The following FBXL17 variants were observed in gnomAD, a reference collection of about 807,000 sequenced individuals.
FBXL17 encodes the protein F-box/LRR-repeat protein 17.
In FBXL17, 22 loss-of-function variants were observed where a neutral mutation model predicts 66.2. That is an observed-to-expected ratio of 0.33 (90% CI 0.24 to 0.47). The LOEUF is 0.47. Among genes scored for constraint, FBXL17 ranks in the 20% least tolerant of loss-of-function variants. The pLI is 1.00. For synonymous variants in FBXL17, 474 were observed against 400.5 expected, an observed-to-expected ratio of 1.18 and a Z score of -2.19; for missense variants, 878 against 948.2, an observed-to-expected ratio of 0.93 and a Z score of 0.97.
chr5:107,983,895 C>T (rs2112677026), intron 7 of FBXL17, among the ~76,000 whole-genome samples: 1 of 152,004 alleles, frequency 6.6e-6, no homozygotes, highest in Admixed American at 6.6e-5. Context: ...ACAGTGAGAA[C>T]AAAGGTGGGG....
chr5:108,243,811 T>C (rs1467747266), intron 4 of FBXL17, among the ~76,000 whole-genome samples: 2 of 152,174 alleles, frequency 1.3e-5, no homozygotes, highest in Non-Finnish European at 2.9e-5. Flanking sequence ...ATGTGTTATA[T>C]ACAAAAATAG....
At chr5:108,184,998 C>T (rs1242245419) in intron 6 of FBXL17, among the ~76,000 whole-genome samples, 5 of 152,130 alleles carry the variant, frequency 3.3e-5, no homozygotes, top group Non-Finnish European at 7.4e-5. Context: ...GTAGTGCTAG[C>T]GCTACTCTGT....
intron 6 of FBXL17, among the ~76,000 whole-genome samples, chr5:108,142,687 A>G (rs1751395714): frequency 6.6e-6 from 1 of 152,202 alleles, no homozygotes. Context: ...GAAGTTAGAC[A>G]GATTTCTTTT....
chr5:107,930,195 C>T (rs1421128109), intron 7 of FBXL17, among the ~76,000 whole-genome samples: 5 of 152,166 alleles, frequency 3.3e-5, no homozygotes, highest in African/African-American at 9.6e-5. Flanking sequence ...CACATTACCA[C>T]GGCCTATATG....
At chr5:107,971,470 G>A (rs1752371399) in intron 7 of FBXL17, among the ~76,000 whole-genome samples, 1 of 152,102 alleles carries the variant, frequency 6.6e-6, no homozygotes, top group Non-Finnish European at 1.5e-5. Flanking sequence ...CACTTAATAC[G>A]TGTAAAACTA....
At chr5:108,371,033 G>A (rs752710872) in intron 1 of FBXL17, among the ~76,000 whole-genome samples, 1 of 151,918 alleles carries the variant, frequency 6.6e-6, no homozygotes, top group African/African-American at 2.4e-5. Flanking sequence ...ATGCACAGGA[G>A]GTAAAAATCA....
At chr5:107,909,661 A>T (rs1749884357) in intron 7 of FBXL17, among the ~76,000 whole-genome samples, 1 of 152,158 alleles carries the variant, frequency 6.6e-6, no homozygotes, top group South Asian at 2.1e-4. Context: ...TTTTTCAAGA[A>T]AACATAATGG....
intron 7 of FBXL17, among the ~76,000 whole-genome samples, chr5:107,905,106 A>G (rs186801895): frequency 1.3e-5 from 2 of 152,224 alleles, no homozygotes; most frequent in African/African-American, 4.8e-5. Context: ...CTTAATAATA[A>G]AAGAATAATA....
intron 6 of FBXL17, among the ~76,000 whole-genome samples, chr5:108,071,761 T>C (rs976346029): frequency 1.3e-5 from 2 of 152,148 alleles, no homozygotes; most frequent in African/African-American, 4.8e-5. Context: ...GGCCAAATCA[T>C]TTACACTTGC....
intron 7 of FBXL17, among the ~76,000 whole-genome samples, chr5:107,955,046 C>T (rs918477309): frequency 2.6e-5 from 4 of 151,932 alleles, no homozygotes; most frequent in African/African-American, 9.7e-5. Context: ...TTTTACCCAA[C>T]TTCAAGGAAA....
chr5:108,122,835 T>G (rs777554780), intron 6 of FBXL17, among the ~76,000 whole-genome samples: 2 of 152,092 alleles, frequency 1.3e-5, no homozygotes, highest in African/African-American at 2.4e-5. Context: ...TCCTAGAGCA[T>G]TTTGGAAAAG....
intron 7 of FBXL17, among the ~76,000 whole-genome samples, chr5:107,894,151 G>A (rs1749296439): frequency 6.6e-6 from 1 of 152,142 alleles, no homozygotes; most frequent in Admixed American, 6.5e-5. Flanking sequence ...TTTACTTACA[G>A]GGAGAACATT....
chr5:108,107,225 C>A (rs1418724208), intron 6 of FBXL17, among the ~76,000 whole-genome samples: 1 of 152,088 alleles, frequency 6.6e-6, no homozygotes, highest in Non-Finnish European at 1.5e-5. Flanking sequence ...GCATGTGCCA[C>A]CACGCCTGGC....
rs371345258 is a variant in FBXL17, at chr5:108,112,488, C to T, written c.1745+73629G>A. On this transcript the variant is annotated intron_variant, in intron 6 of 8. Coordinates refer to ENST00000542267, the MANE Select transcript of FBXL17 (RefSeq NM_001163315.3). Reference sequence around the variant, plus strand: ...AACTTTAATTCTTCCCAGAACAAGGCCCAGAAATATTTAAAGAATTTTTTA... The same window carrying T: ...AACTTTAATTCTTCCCAGAACAAGGTCCAGAAATATTTAAAGAATTTTTTA... Among the ~76,000 whole-genome samples the T allele has an allele frequency of 2.6e-5, 4 of 152,228 alleles. No homozygotes were observed. The East Asian group carries it at 7.7e-4, about 29-fold the overall frequency.
At chr5:107,946,864 G>T (rs1279130902) in intron 7 of FBXL17, among the ~76,000 whole-genome samples, 1 of 152,056 alleles carries the variant, frequency 6.6e-6, no homozygotes, top group African/African-American at 2.4e-5. Context: ...TAAGAACCAT[G>T]CTTAGCAATT....
At chr5:108,287,727 A>G (rs1757955309) in intron 4 of FBXL17, among the ~76,000 whole-genome samples, 1 of 152,072 alleles carries the variant, frequency 6.6e-6, no homozygotes, top group South Asian at 2.1e-4. Flanking sequence ...AAAGACTCAA[A>G]GCAGAACTAT....
chr5:108,300,372 A>AAACAAAT (rs1284633843), intron 4 of FBXL17, among the ~76,000 whole-genome samples: 1 of 151,954 alleles, frequency 6.6e-6, no homozygotes, highest in Non-Finnish European at 1.5e-5. Flanking sequence ...CCCAATTTAG[A>AAACAAAT]AACAAATAAC....
chr5:108,306,136 G>A (rs1758829155), intron 4 of FBXL17, among the ~76,000 whole-genome samples: 1 of 151,794 alleles, frequency 6.6e-6, no homozygotes, highest in South Asian at 2.1e-4. Context: ...TTTTTACTTT[G>A]GCAGTAAATT....
intron 7 of FBXL17, among the ~76,000 whole-genome samples, chr5:108,016,131 A>G (rs1014283760): frequency 2.0e-5 from 3 of 152,198 alleles, no homozygotes; most frequent in Admixed American, 6.5e-5. Context: ...GACATCTCCA[A>G]TCATAATCAT....
Sources: allele counts gnomAD v4.1 joint callset (sites outside exome capture counted in the v4.1 genomes callset), GRCh38; gene constraint gnomAD v4.1.1; transcripts MANE v1.5; gene names NCBI Gene and HGNC (gene_info 2026-07-23, HGNC 2026-07-21).